TOX: variants seen among roughly 807,000 people sequenced by gnomAD.
TOX encodes the protein thymocyte selection associated high mobility group box.
Under a neutral mutation model 53.7 loss-of-function variants are expected in TOX, and 11 were observed. The observed-to-expected ratio is 0.20, with a 90% CI of 0.13 to 0.34. The LOEUF (loss-of-function observed/expected upper bound fraction) is 0.34, where lower values mean the gene tolerates loss of function less well. TOX is among the 10% of genes least tolerant of loss of function. The pLI, the probability that TOX is intolerant of heterozygous loss-of-function variation, is 1.00. For synonymous variants in TOX, 225 were observed against 245.3 expected, an observed-to-expected ratio of 0.92 and a Z score of 0.77; for missense variants, 570 against 664.6, an observed-to-expected ratio of 0.86 and a Z score of 1.56.
chr8:58,889,230 A>C (rs930087061), intron 3 of TOX, among the ~76,000 whole-genome samples: 63 of 150,318 alleles, frequency 4.2e-4, no homozygotes, highest in Admixed American at 3.4e-3. Flanking sequence ...AAAAAAAAAA[A>C]AACAAAAAAC....
chr8:58,976,228 A>G (rs910687912), intron 1 of TOX, among the ~76,000 whole-genome samples: 4 of 152,214 alleles, frequency 2.6e-5, no homozygotes, highest in African/African-American at 9.7e-5. Flanking sequence ...CTATCAACTA[A>G]GTTTACATAA....
At chr8:58,987,209 A>G (rs1174169523) in intron 1 of TOX, among the ~76,000 whole-genome samples, 1 of 152,170 alleles carries the variant, frequency 6.6e-6, no homozygotes, top group Non-Finnish European at 1.5e-5. Flanking sequence ...AGTGTTCCAG[A>G]TGCATTTGAA....
At chr8:58,903,050 A>G (rs1375727466) in intron 3 of TOX, among the ~76,000 whole-genome samples, 1 of 152,232 alleles carries the variant, frequency 6.6e-6, no homozygotes, top group African/African-American at 2.4e-5. Context: ...ACTCTTTACC[A>G]TTAAAAAAGT....
intron 2 of TOX, among the ~76,000 whole-genome samples, chr8:58,955,574 A>T (rs900683113): frequency 6.6e-6 from 1 of 152,138 alleles, no homozygotes; most frequent in Admixed American, 6.5e-5. Context: ...TTCTTCCTTA[A>T]TATGAAAGGA....
At position 58,959,931 on chromosome 8, in the gene TOX, T is replaced by G. The variant is rs1812773499; in HGVS notation, c.168+12A>C. On this transcript the variant is annotated intron_variant, in intron 2 of 8. Transcript: ENST00000361421. ...CAATTTGAAACAAGGCAGAGAAGAT[T>G]AATTAACCCACCTGGCTGGCTGGCA... 1.2e-6 allele frequency: 2 copies of G among 1,614,008 alleles called. No homozygotes were observed. The highest frequency in any genetic ancestry group is 1.7e-6 in the Non-Finnish European group (2 of 1,179,998).
At chr8:58,822,522 C>T (rs1810299291) in intron 6 of TOX, among the ~76,000 whole-genome samples, 1 of 152,186 alleles carries the variant, frequency 6.6e-6, no homozygotes, top group Admixed American at 6.5e-5. Flanking sequence ...TTGTCCCTGG[C>T]TCCACACAAC....
chr8:59,048,258 T>G (rs1379449231), intron 1 of TOX, among the ~76,000 whole-genome samples: 1 of 152,198 alleles, frequency 6.6e-6, no homozygotes, highest in Admixed American at 6.5e-5. Flanking sequence ...ATTCTGTTCT[T>G]GACCATTATC....
In TOX at chr8:58,869,098, G is replaced by A. The variant is rs150021899; in HGVS notation, c.412-17293C>T. Among the ~76,000 whole-genome samples the A allele has an allele frequency of 6.9e-3, 1,051 of 151,954 alleles. 4 individuals are homozygous for A. Among genetic ancestry groups the A allele is most frequent in the Admixed American group, 0.015 (223 of 15,258 alleles). On this transcript the variant is annotated intron_variant, in intron 3 of 8. Transcript: ENST00000361421. The stretch of plus-strand genomic sequence containing the variant: ...AAAAATTAGCTGGGCATGGTGGTGC[G>A]TGCCTGTAGTCCCAGCTACTCAGGA...
At chr8:58,813,238 G>C (rs1810114435) in intron 7 of TOX, among the ~76,000 whole-genome samples, 3 of 152,124 alleles carry the variant, frequency 2.0e-5, no homozygotes, top group African/African-American at 7.2e-5. Flanking sequence ...AACTATTCAG[G>C]ATCATGGCCA....
At position 59,063,182 on chromosome 8, in the gene TOX, T is replaced by C. The variant is rs151236404; in HGVS notation, c.102+55704A>G. On this transcript the variant is annotated intron_variant, in intron 1 of 8. Transcript: ENST00000361421. ...CTAAAAACTAAGCACTGAGGATTTGTAAGAATCTCAATCAAACATTGCAAC... is the reference window on the plus strand; with the variant it reads ...CTAAAAACTAAGCACTGAGGATTTGCAAGAATCTCAATCAAACATTGCAAC... Among the ~76,000 whole-genome samples the C allele has an allele frequency of 1.1e-4, 17 of 152,254 alleles. No individual in the cohort carries two copies. The East Asian group carries it at 3.1e-3, about 28-fold the overall frequency.
At chr8:59,029,407 C>T (rs1436173506) in intron 1 of TOX, among the ~76,000 whole-genome samples, 1 of 152,092 alleles carries the variant, frequency 6.6e-6, no homozygotes, top group African/African-American at 2.4e-5. Flanking sequence ...CTTAAGTAAC[C>T]CAATCACTTT....
chr8:58,941,710 A>G (rs2129176718), intron 2 of TOX, among the ~76,000 whole-genome samples: 1 of 152,236 alleles, frequency 6.6e-6, no homozygotes, highest in East Asian at 1.9e-4. Context: ...AACACTGCAA[A>G]TGCTGAATTG....
chr8:58,988,381 T>C (rs1190315657), intron 1 of TOX, among the ~76,000 whole-genome samples: 1 of 152,228 alleles, frequency 6.6e-6, no homozygotes, highest in Non-Finnish European at 1.5e-5. Flanking sequence ...TTTCTGTATG[T>C]CTATAGCCGT....
intron 1 of TOX, among the ~76,000 whole-genome samples, chr8:58,971,746 C>T (rs1813007581): frequency 2.0e-5 from 3 of 152,180 alleles, no homozygotes; most frequent in Admixed American, 1.3e-4. Flanking sequence ...TGGAGTACAG[C>T]AGCGCGATCT....
chr8:58,995,460 C>A (rs1457121576), intron 1 of TOX, among the ~76,000 whole-genome samples: 1 of 152,180 alleles, frequency 6.6e-6, no homozygotes, highest in Non-Finnish European at 1.5e-5. Context: ...ACAGAGATTG[C>A]AAAATGACAA....
At chr8:59,078,575 G>A (rs1804335375) in intron 1 of TOX, among the ~76,000 whole-genome samples, 1 of 152,170 alleles carries the variant, frequency 6.6e-6, no homozygotes, top group Non-Finnish European at 1.5e-5. Context: ...GCAGATGCCA[G>A]CACCATGCTT....
At chr8:59,055,762 T>C (rs1029040287) in intron 1 of TOX, among the ~76,000 whole-genome samples, 5 of 152,120 alleles carry the variant, frequency 3.3e-5, no homozygotes, top group African/African-American at 1.2e-4. Context: ...CTAAGTATAA[T>C]ACAAAACTCT....
intron 1 of TOX, among the ~76,000 whole-genome samples, chr8:58,978,352 A>C (rs1813142609): frequency 6.6e-6 from 1 of 152,232 alleles, no homozygotes; most frequent in East Asian, 1.9e-4. Flanking sequence ...AATCTGCATA[A>C]GGCAGACATC....
chr8:58,911,877 T>G (rs993228490), intron 3 of TOX, among the ~76,000 whole-genome samples: 58 of 152,178 alleles, frequency 3.8e-4, no homozygotes, highest in African/African-American at 1.3e-3. Flanking sequence ...GACTTTTGTA[T>G]TTTTAGTGGA....
Sources: allele counts gnomAD v4.1 joint callset (sites outside exome capture counted in the v4.1 genomes callset), GRCh38; gene constraint gnomAD v4.1.1; transcripts MANE v1.5; gene names NCBI Gene and HGNC (gene_info 2026-07-23, HGNC 2026-07-21).